CACNA1D: variants seen among roughly 807,000 people sequenced by gnomAD.
CACNA1D encodes calcium voltage-gated channel subunit alpha1 D.
In CACNA1D, 55 loss-of-function variants were observed where a neutral mutation model predicts 257.1. That is an observed-to-expected ratio of 0.21 (90% CI 0.17 to 0.27). The LOEUF (loss-of-function observed/expected upper bound fraction) is 0.27, where lower values mean the gene tolerates loss of function less well. Among genes scored for constraint, CACNA1D ranks in the 10% least tolerant of loss-of-function variants. The pLI is 1.00. For missense variants in CACNA1D, 1,876 were observed against 2,784.0 expected (o/e 0.67, Z 7.34); for synonymous variants, 980 against 1,014.9 (o/e 0.97, Z 0.65).
chr3:53,800,047 C>G lies in CACNA1D; in HGVS notation c.4924-202C>G. 1 of 679,058 alleles carries G rather than the reference C, an allele frequency of 1.5e-6. No individual in the cohort carries two copies. The highest frequency in any genetic ancestry group is 2.7e-6 in the Non-Finnish European group (1 of 375,692). 42.1% of individuals were successfully genotyped at this position (679,058 alleles called of 1,614,324 possible). A position where few individuals can be genotyped will look rare whatever the true frequency, so the allele number is the denominator to read the frequency against. ...GGGTTGCAGGCCTCAGGCATCCTAC[C>G]TAGGACCTTCTTGACCCTCTGGATG... is the stretch of plus-strand genomic sequence containing the variant. On this transcript the variant is annotated intron_variant, in intron 40 of 47. Coordinates refer to ENST00000350061, the MANE Select transcript of CACNA1D (RefSeq NM_001128840.3). This position sits in a 1 kb window ranked among gnomAD's most constrained non-coding sequence, Gnocchi z 4.3.
chr3:53,671,759 A>G (rs1000809151), intron 7 of CACNA1D, among the ~76,000 whole-genome samples: 2 of 152,056 alleles, frequency 1.3e-5, no homozygotes, highest in Admixed American at 6.5e-5. Flanking sequence ...CACTTTCCCT[A>G]TTTGGCTTCT....
intron 5 of CACNA1D, among the ~76,000 whole-genome samples, chr3:53,661,176 C>T (rs1290439855): frequency 1.3e-5 from 2 of 152,138 alleles, no homozygotes; most frequent in Non-Finnish European, 2.9e-5. Context: ...AGGGCTGGTG[C>T]GTCTGAGCAA....
intron 29 of CACNA1D, 62 bp from the exon 30 acceptor site, chr3:53,761,936 G>A (rs964444059): frequency 1.6e-5 from 19 of 1,176,414 alleles, no homozygotes; most frequent in Admixed American, 1.2e-4. Flanking sequence ...GCCCCTATAC[G>A]GTCCGTGTGG....
intron 3 of CACNA1D, among the ~76,000 whole-genome samples, chr3:53,579,424 A>AG (rs2093093120): frequency 6.6e-6 from 1 of 152,196 alleles, no homozygotes; most frequent in Non-Finnish European, 1.5e-5. Flanking sequence ...TTGTTATTAT[A>AG]GGGCACCCCA....
chr3:53,713,681 C>T lies in CACNA1D; in HGVS notation c.1391-4620C>T, dbSNP rs373168111. 1.9e-3 allele frequency among the ~76,000 whole-genome samples: 287 copies of T among 152,320 alleles called. 6 individuals are homozygous for T. In the South Asian group the frequency reaches 0.049, roughly 26 times the overall value. On this transcript the variant is annotated intron_variant, in intron 9 of 47. Transcript: ENST00000350061. The stretch of plus-strand genomic sequence containing the variant: ...TGCTTACCTGAGAAGCAGCAGATTT[C>T]CCTGGTTTACTGTGTGTGGCATTGC...
At chr3:53,605,188 C>A (rs1297192245) in intron 3 of CACNA1D, among the ~76,000 whole-genome samples, 2 of 152,214 alleles carry the variant, frequency 1.3e-5, no homozygotes, top group Non-Finnish European at 2.9e-5. Context: ...AGAACCGCGA[C>A]TGTGGGTAGG....
At chr3:53,705,496 T>C (rs1210313482) in intron 9 of CACNA1D, among the ~76,000 whole-genome samples, 1 of 152,166 alleles carries the variant, frequency 6.6e-6, no homozygotes, top group Non-Finnish European at 1.5e-5. Context: ...CTATGCACCG[T>C]GATGTGTGAC....
chr3:53,683,222 A>C (rs76705283), intron 8 of CACNA1D, among the ~76,000 whole-genome samples: 1 of 152,218 alleles, frequency 6.6e-6, no homozygotes, highest in Non-Finnish European at 1.5e-5. Flanking sequence ...GAGAACAGCT[A>C]GTAGAATGCT....
intron 30 of CACNA1D, among the ~76,000 whole-genome samples, chr3:53,764,439 G>C (rs3774572): frequency 0.66 from 100,526 of 151,646 alleles, 33,789 homozygotes; most frequent in African/African-American, 0.72. Flanking sequence ...ACCAGCAGCA[G>C]GGCAGATCTC....
chr3:53,730,645 A>T, intron 16 of CACNA1D, 89 bp downstream of exon 16: 1 of 970,478 alleles, frequency 1.0e-6, no homozygotes, highest in Non-Finnish European at 1.6e-6. Context: ...CCCCCGCATC[A>T]CGGCAGCTGC....
intron 20 of CACNA1D, among the ~76,000 whole-genome samples, chr3:53,739,130 C>T (rs1030721275): frequency 6.6e-6 from 1 of 152,214 alleles, no homozygotes; most frequent in Non-Finnish European, 1.5e-5. Flanking sequence ...CAGGCGACTC[C>T]TCTACCTACA....
intron 9 of CACNA1D, among the ~76,000 whole-genome samples, chr3:53,705,892 A>G (rs371032921): frequency 6.6e-6 from 1 of 152,292 alleles, no homozygotes; most frequent in African/African-American, 2.4e-5. Context: ...ACACAAGGAG[A>G]GGGTTTCAGT....
At chr3:53,798,843 C>T (rs1299099066) in intron 40 of CACNA1D, among the ~76,000 whole-genome samples, 1 of 152,200 alleles carries the variant, frequency 6.6e-6, no homozygotes, top group Non-Finnish European at 1.5e-5. Context: ...GGCCAGACTG[C>T]AGCCACCATC....
chr3:53,701,469 G>A (rs904964919), intron 8 of CACNA1D, among the ~76,000 whole-genome samples: 5 of 152,166 alleles, frequency 3.3e-5, no homozygotes, highest in African/African-American at 9.7e-5. Flanking sequence ...TTCCCCATTC[G>A]TGGGTTGGGT....
In CACNA1D at chr3:53,739,180, C is replaced by G. The variant is rs528792362; in HGVS notation, c.2752-1100C>G. On this transcript the variant is annotated intron_variant, in intron 20 of 47. Transcript: ENST00000350061. ...TGACTCTTCGCTGGCATACGCCAGG[C>G]CTACTCCTTGCTCTGCAGTGCCTGT... Among the ~76,000 whole-genome samples, 5 of 152,354 alleles carry G rather than the reference C, an allele frequency of 3.3e-5. No homozygotes were observed. The East Asian group carries it at 9.6e-4, about 29-fold the overall frequency.
intron 3 of CACNA1D, among the ~76,000 whole-genome samples, chr3:53,646,360 T>C (rs2094020534): frequency 6.6e-6 from 1 of 152,268 alleles, no homozygotes; most frequent in Non-Finnish European, 1.5e-5. Flanking sequence ...TATGGTAACT[T>C]AGATACATAC....
chr3:53,644,972 C>G (rs1462465090), intron 3 of CACNA1D, among the ~76,000 whole-genome samples: 1 of 152,248 alleles, frequency 6.6e-6, no homozygotes, highest in Non-Finnish European at 1.5e-5. Flanking sequence ...TTCTCCATAT[C>G]TTTGCCAACA....
intron 3 of CACNA1D, among the ~76,000 whole-genome samples, chr3:53,615,908 G>T (rs563035809): frequency 1.3e-4 from 20 of 152,278 alleles, no homozygotes; most frequent in Middle Eastern, 3.4e-3. Context: ...TCGATAGCAG[G>T]TTTGCTGCAG....
chr3:53,650,380 A>G (rs183495972), intron 3 of CACNA1D, among the ~76,000 whole-genome samples: 2 of 152,340 alleles, frequency 1.3e-5, no homozygotes, highest in Admixed American at 1.3e-4. Context: ...CAAAGACACC[A>G]TTGGAATCTT....
Sources: allele counts gnomAD v4.1 joint callset (sites outside exome capture counted in the v4.1 genomes callset), GRCh38; gene constraint gnomAD v4.1.1; non-coding constraint Gnocchi (gnomAD v3.1); transcripts MANE v1.5; gene names NCBI Gene and HGNC (gene_info 2026-07-23, HGNC 2026-07-21).